Variants in ITGA9 observed in about 807,000 individuals in gnomAD.
ITGA9 encodes the protein integrin alpha-9.
A neutral mutation model predicts 127.8 loss-of-function variants in ITGA9; 56 were observed. The ratio of observed to expected loss-of-function variants is 0.44; its 90% CI spans 0.35 to 0.55. ITGA9 has a LOEUF of 0.55. Among genes scored for constraint, ITGA9 ranks in the 20% least tolerant of loss-of-function variants. The probability of loss-of-function intolerance (pLI) is 0.00; values close to 1 mark genes in which losing one functional copy is unlikely to be tolerated. For missense variants in ITGA9, 1,196 were observed against 1,347.1 expected, an observed-to-expected ratio of 0.89 and a Z score of 1.76; for synonymous variants, 508 against 514.5, an observed-to-expected ratio of 0.99 and a Z score of 0.17.
intron 4 of ITGA9, among the ~76,000 whole-genome samples, chr3:37,492,406 CAG>C (rs1321070121): frequency 6.6e-6 from 1 of 152,224 alleles, no homozygotes; most frequent in African/African-American, 2.4e-5. Flanking sequence ...CTGCCTGAAA[CAG>C]GGGTGCCTTT....
At position 37,551,149 on chromosome 3, in the gene ITGA9, C is replaced by T. The variant is rs564307877; in HGVS notation, c.1689+8564C>T. Among the ~76,000 whole-genome samples the T allele has an allele frequency of 2.0e-5, 3 of 152,276 alleles. 1 individual carries two copies. Among genetic ancestry groups the T allele is most frequent in the African/African-American group, 7.2e-5 (3 of 41,550 alleles). The stretch of plus-strand genomic sequence containing the variant: ...ATGTTTGTACATTGGTTCAGAGGTA[C>T]TCTGTATTTTGACTGGATTTATTGG... On this transcript the variant is annotated intron_variant, in intron 15 of 27. Coordinates refer to ENST00000264741, the MANE Select transcript of ITGA9 (RefSeq NM_002207.3).
intron 25 of ITGA9, among the ~76,000 whole-genome samples, chr3:37,781,146 C>A (rs190346367): frequency 2.4e-4 from 36 of 152,348 alleles, no homozygotes; most frequent in African/African-American, 8.2e-4. Flanking sequence ...ACCTGGAGAT[C>A]TTGTTCAAAC....
intron 20 of ITGA9, 130 bp downstream of exon 20, chr3:37,737,113 C>T: frequency 1.4e-6 from 1 of 728,844 alleles, no homozygotes; most frequent in Non-Finnish European, 2.4e-6. Context: ...AGTGATAAAG[C>T]CTTGAGCCGC....
intron 15 of ITGA9, among the ~76,000 whole-genome samples, chr3:37,579,279 G>A (rs1048225620): frequency 6.6e-6 from 1 of 152,152 alleles, no homozygotes; most frequent in African/African-American, 2.4e-5. Context: ...CATTGGTATG[G>A]TGGCTCCATG....
At chr3:37,539,061 A>G (rs752833039) in intron 14 of ITGA9, among the ~76,000 whole-genome samples, 7 of 152,206 alleles carry the variant, frequency 4.6e-5, no homozygotes, top group African/African-American at 7.2e-5. Flanking sequence ...GTTTCTGTGA[A>G]CTGTGGGTTG....
chr3:37,467,850 A>C (rs1016234473), intron 1 of ITGA9, among the ~76,000 whole-genome samples: 9 of 152,174 alleles, frequency 5.9e-5, no homozygotes, highest in Non-Finnish European at 1.2e-4. Context: ...AGACAGGGCA[A>C]ACTGCTAATT....
chr3:37,768,228 C>A (rs1696801484), intron 23 of ITGA9, among the ~76,000 whole-genome samples: 1 of 152,116 alleles, frequency 6.6e-6, no homozygotes, highest in African/African-American at 2.4e-5. Flanking sequence ...TGCTAAGCAA[C>A]CATGAATCAT....
chr3:37,696,020 TC>T (rs1700881774), intron 18 of ITGA9, among the ~76,000 whole-genome samples: 1 of 152,182 alleles, frequency 6.6e-6, no homozygotes, highest in African/African-American at 2.4e-5. Context: ...ACAGCTGCAT[TC>T]CAAGCAAGAA....
chr3:37,512,064 CTTTCT>C (rs1698922633), intron 8 of ITGA9, among the ~76,000 whole-genome samples: 1 of 56,460 alleles, frequency 1.8e-5, no homozygotes, highest in African/African-American at 6.0e-5. Context: ...TTCTTTCTTT[CTTTCT>C]TTCTTTCCTT....
intron 15 of ITGA9, among the ~76,000 whole-genome samples, chr3:37,575,954 GA>G (rs1699650302): frequency 6.6e-6 from 1 of 152,182 alleles, no homozygotes; most frequent in Non-Finnish European, 1.5e-5. Context: ...TCAGTCTCAA[GA>G]AACAAAACCC....
intron 14 of ITGA9, among the ~76,000 whole-genome samples, chr3:37,535,060 A>G (rs997101580): frequency 1.3e-5 from 2 of 152,232 alleles, no homozygotes; most frequent in African/African-American, 2.4e-5. Context: ...TGATACACAT[A>G]AGAATGAGAA....
At chr3:37,562,482 A>G (rs933156404) in intron 15 of ITGA9, among the ~76,000 whole-genome samples, 2 of 152,136 alleles carry the variant, frequency 1.3e-5, no homozygotes, top group Non-Finnish European at 2.9e-5. Flanking sequence ...CGCTGCCCCG[A>G]AAGATCAGGG....
intron 15 of ITGA9, among the ~76,000 whole-genome samples, chr3:37,574,678 A>T (rs1699635671): frequency 6.6e-6 from 1 of 152,178 alleles, no homozygotes; most frequent in Admixed American, 6.5e-5. Context: ...TTGCCGTTTC[A>T]CAGCCATTTC....
intron 25 of ITGA9, among the ~76,000 whole-genome samples, chr3:37,782,676 C>G (rs923885266): frequency 1.3e-5 from 2 of 152,224 alleles, no homozygotes; most frequent in African/African-American, 4.8e-5. Context: ...CCACATGGCT[C>G]CAGGCCTCCC....
chr3:37,583,238 C>T (rs113066592), intron 15 of ITGA9, among the ~76,000 whole-genome samples: 3 of 152,242 alleles, frequency 2.0e-5, no homozygotes, highest in Admixed American at 2.0e-4. Context: ...TGCATAGGTC[C>T]TTGTCCTCCC....
chr3:37,683,831 C>T lies in ITGA9; in HGVS notation c.1917-34C>T, dbSNP rs1459007579. ...CCTCATGTTATATTAGTGTAGGCCT[C>T]AGGGCATTCATTGCTGTCTATTTTT... On this transcript the variant is annotated intron_variant, in intron 17 of 27. Transcript: ENST00000264741. The T allele has an allele frequency of 1.9e-6, 3 of 1,611,930 alleles. No homozygotes were observed. The African/African-American group carries it at 4.0e-5, about 22-fold the overall frequency.
At chr3:37,624,477 T>C (rs1201823501) in intron 15 of ITGA9, among the ~76,000 whole-genome samples, 1 of 152,092 alleles carries the variant, frequency 6.6e-6, no homozygotes, top group Non-Finnish European at 1.5e-5. Flanking sequence ...GCCTCCTCCT[T>C]AGCCTGTTTC....
chr3:37,492,478 G>A (rs765379689), intron 4 of ITGA9, among the ~76,000 whole-genome samples: 4 of 152,240 alleles, frequency 2.6e-5, no homozygotes, highest in Non-Finnish European at 5.9e-5. Flanking sequence ...TTAGCTCCCA[G>A]TGAGGCTGTC....
At position 37,700,950 on chromosome 3, in the gene ITGA9, T is replaced by A. The variant is rs79575118; in HGVS notation, c.2067+16935T>A. 5.4e-3 allele frequency among the ~76,000 whole-genome samples: 819 copies of A among 152,308 alleles called. 4 individuals are homozygous for A. Among genetic ancestry groups the A allele is most frequent in the African/African-American group, 0.018 (758 of 41,554 alleles). ...TCAGGAATCAGAAATGGAGAAATGC[T>A]TCCCCCACCTGGTGATTGCATCTTG... On this transcript the variant is annotated intron_variant, in intron 18 of 27. Transcript: ENST00000264741.
Sources: allele counts gnomAD v4.1 joint callset (sites outside exome capture counted in the v4.1 genomes callset), GRCh38; gene constraint gnomAD v4.1.1; transcripts MANE v1.5; gene names NCBI Gene and HGNC (gene_info 2026-07-23, HGNC 2026-07-21).